Variants in NT5DC1 observed in about 807,000 individuals in gnomAD.
NT5DC1 encodes 5'-nucleotidase domain-containing protein 1.
NT5DC1 carries 42 observed loss-of-function variants against 59.4 expected under a neutral mutation model. The observed-to-expected ratio is 0.71, with a 90% CI of 0.55 to 0.92. NT5DC1 has a LOEUF of 0.92. Among genes scored for constraint, NT5DC1 ranks in the 40% least tolerant of loss-of-function variants. The probability of loss-of-function intolerance (pLI) is 0.00; values close to 1 mark genes in which losing one functional copy is unlikely to be tolerated. For synonymous variants in NT5DC1, 172 were observed against 188.1 expected (o/e 0.91, Z 0.70); for missense variants, 501 against 537.1 (o/e 0.93, Z 0.66).
intron 6 of NT5DC1, among the ~76,000 whole-genome samples, chr6:116,182,070 C>A (rs1040745802): frequency 6.6e-6 from 1 of 151,972 alleles, no homozygotes; most frequent in African/African-American, 2.4e-5. Context: ...TATTCTTATG[C>A]CTTTGTGTCT....
intron 2 of NT5DC1, among the ~76,000 whole-genome samples, chr6:116,106,763 A>T (rs942733947): frequency 6.6e-6 from 1 of 152,222 alleles, no homozygotes; most frequent in African/African-American, 2.4e-5. Flanking sequence ...TCTGTCATTT[A>T]GTTCGACATT....
In NT5DC1 at chr6:116,135,660, A is replaced by AT. The variant is rs559180467; in HGVS notation, c.529+17724dup. 2.7e-3 allele frequency among the ~76,000 whole-genome samples: 400 copies of AT among 149,694 alleles called. 10 individuals are homozygous for AT. The South Asian group carries it at 0.044, about 16-fold the overall frequency. ...TTGGACTTTAATTCAACTAACAAAC[A>AT]TTTTTTTTTCCTGATATATATGCTG... On this transcript the variant is annotated intron_variant, in intron 6 of 11. Transcript: ENST00000319550.
intron 6 of NT5DC1, among the ~76,000 whole-genome samples, chr6:116,191,104 A>C (rs1227170920): frequency 1.3e-5 from 2 of 151,976 alleles, no homozygotes; most frequent in South Asian, 2.1e-4. Flanking sequence ...GTTAAATGCA[A>C]ATATCTGTGG....
intron 1 of NT5DC1, among the ~76,000 whole-genome samples, chr6:116,104,702 G>T (rs1778735196): frequency 6.6e-6 from 1 of 152,162 alleles, no homozygotes; most frequent in African/African-American, 2.4e-5. Flanking sequence ...GGATTTGCTG[G>T]TGTGCCAGGC....
chr6:116,103,159 G>A (rs1230475978), intron 1 of NT5DC1, among the ~76,000 whole-genome samples: 1 of 152,144 alleles, frequency 6.6e-6, no homozygotes, highest in African/African-American at 2.4e-5. Context: ...TGTGTTCTGT[G>A]TGCCGAGCTT....
intron 6 of NT5DC1, among the ~76,000 whole-genome samples, chr6:116,218,546 A>T (rs1781731622): frequency 6.6e-6 from 1 of 152,146 alleles, no homozygotes; most frequent in Admixed American, 6.5e-5. Flanking sequence ...AAACTTCTCT[A>T]TTCTTAGCCA....
chr6:116,155,112 C>T (rs1354885435), intron 6 of NT5DC1, among the ~76,000 whole-genome samples: 1 of 152,064 alleles, frequency 6.6e-6, no homozygotes, highest in Non-Finnish European at 1.5e-5. Context: ...CCATTACTTT[C>T]AATGGCAAAG....
intron 8 of NT5DC1, among the ~76,000 whole-genome samples, chr6:116,230,687 A>T (rs1057073185): frequency 6.6e-6 from 1 of 152,200 alleles, no homozygotes; most frequent in Non-Finnish European, 1.5e-5. Context: ...AAGGTCAGAC[A>T]TACAAATCAC....
chr6:116,180,903 T>G (rs1474626952), intron 6 of NT5DC1, among the ~76,000 whole-genome samples: 1 of 152,012 alleles, frequency 6.6e-6, no homozygotes, highest in Non-Finnish European at 1.5e-5. Flanking sequence ...TAAAAAACTA[T>G]TTGGGAGATG....
chr6:116,234,707 GTA>G (rs1364237777), intron 8 of NT5DC1, among the ~76,000 whole-genome samples: 1 of 152,190 alleles, frequency 6.6e-6, no homozygotes, highest in Non-Finnish European at 1.5e-5. Context: ...TTACAAAGAA[GTA>G]CAGTGTACTA....
chr6:116,188,993 C>G (rs1781063213), intron 6 of NT5DC1, among the ~76,000 whole-genome samples: 1 of 151,858 alleles, frequency 6.6e-6, no homozygotes. Context: ...CACATTAGAA[C>G]TTCACTGTAT....
At position 116,155,662 on chromosome 6, in the gene NT5DC1, A is replaced by G. The variant is rs1780171136; in HGVS notation, c.529+37717A>G. ...CATTACAACATAGGTTGTAAAAGCA[A>G]AAGATTAGAAGCAAGGCTGGTATCC... On this transcript the variant is annotated intron_variant, in intron 6 of 11. Transcript: ENST00000319550. 2.0e-5 allele frequency among the ~76,000 whole-genome samples: 3 copies of G among 151,982 alleles called. No homozygotes were observed. The South Asian group carries it at 6.2e-4, about 32-fold the overall frequency.
chr6:116,176,589 A>G (rs2114463031), intron 6 of NT5DC1, among the ~76,000 whole-genome samples: 1 of 152,316 alleles, frequency 6.6e-6, no homozygotes, highest in Admixed American at 6.5e-5. Flanking sequence ...AGTACCATCT[A>G]CTTGGTATTG....
At chr6:116,127,597 G>A (rs1779354054) in intron 6 of NT5DC1, among the ~76,000 whole-genome samples, 1 of 152,082 alleles carries the variant, frequency 6.6e-6, no homozygotes. Flanking sequence ...GAAAACACCT[G>A]CCTTTTGGCT....
At chr6:116,132,448 A>G (rs1334885927) in intron 6 of NT5DC1, among the ~76,000 whole-genome samples, 1 of 150,208 alleles carries the variant, frequency 6.7e-6, no homozygotes, top group African/African-American at 2.5e-5. Context: ...TTCCCAGTTT[A>G]TTTGTCTTTT....
intron 6 of NT5DC1, among the ~76,000 whole-genome samples, chr6:116,167,206 A>ATTTTT (rs61348980): frequency 2.7e-4 from 24 of 87,816 alleles, no homozygotes; most frequent in African/African-American, 6.4e-4. Flanking sequence ...CAAATAGAAG[A>ATTTTT]TTTTTTTTTT....
rs768947904 is a variant in NT5DC1, at chr6:116,120,111, G to A, written c.529+2166G>A. 7 of 1,613,978 alleles carry A rather than the reference G, an allele frequency of 4.3e-6. No homozygotes were observed. In the South Asian group the frequency reaches 7.7e-5, roughly 18 times the overall value. ...ACTAGGAATCCTGAGAAAGAGGAGTGGACATACTCAGAGGAGTATAGGCCA... is the reference window on the plus strand; with the variant it reads ...ACTAGGAATCCTGAGAAAGAGGAGTAGACATACTCAGAGGAGTATAGGCCA... On this transcript the variant is annotated intron_variant, in intron 6 of 11. Transcript: ENST00000319550.
intron 6 of NT5DC1, among the ~76,000 whole-genome samples, chr6:116,202,285 T>C (rs1383643679): frequency 1.3e-5 from 2 of 152,002 alleles, no homozygotes; most frequent in Non-Finnish European, 2.9e-5. Flanking sequence ...TTTTTTCTTA[T>C]GCTTAGCATG....
intron 6 of NT5DC1, among the ~76,000 whole-genome samples, chr6:116,155,793 T>G (rs1315459505): frequency 3.2e-4 from 48 of 151,412 alleles, no homozygotes; most frequent in Non-Finnish European, 2.9e-5. Context: ...GTTGTGTGTG[T>G]ACTGAAATGG....
Sources: allele counts gnomAD v4.1 joint callset (sites outside exome capture counted in the v4.1 genomes callset), GRCh38; gene constraint gnomAD v4.1.1; transcripts MANE v1.5; gene names NCBI Gene and HGNC (gene_info 2026-07-23, HGNC 2026-07-21).